The following MYO1D variants were observed in gnomAD, a reference collection of about 807,000 sequenced individuals.
MYO1D encodes unconventional myosin-Id.
Under a neutral mutation model 122.0 loss-of-function variants are expected in MYO1D, and 83 were observed. The observed-to-expected ratio is 0.68, with a 90% CI of 0.57 to 0.82. The LOEUF is 0.82. Among genes scored for constraint, MYO1D ranks in the 40% least tolerant of loss-of-function variants. The pLI, the probability that MYO1D is intolerant of heterozygous loss-of-function variation, is 0.00. For synonymous variants in MYO1D, 464 were observed against 446.9 expected (o/e 1.04, Z -0.48); for missense variants, 1,157 against 1,269.5 (o/e 0.91, Z 1.35).
intron 10 of MYO1D, among the ~76,000 whole-genome samples, chr17:32,757,562 A>C (rs900159447): frequency 1.4e-4 from 22 of 152,124 alleles, no homozygotes; most frequent in African/African-American, 5.3e-4. Context: ...AGTTATTTCC[A>C]TCTTTGGAAA....
intron 15 of MYO1D, among the ~76,000 whole-genome samples, chr17:32,720,397 C>T (rs890515751): frequency 6.6e-6 from 1 of 152,002 alleles, no homozygotes; most frequent in African/African-American, 2.4e-5. Context: ...TTATTATTAT[C>T]CCCATTTTAC....
chr17:32,827,867 C>A (rs2090736716), intron 1 of MYO1D, among the ~76,000 whole-genome samples: 1 of 152,110 alleles, frequency 6.6e-6, no homozygotes, highest in South Asian at 2.1e-4. Flanking sequence ...TTTCAGAAAT[C>A]TGATTTACAA....
intron 21 of MYO1D, among the ~76,000 whole-genome samples, chr17:32,545,846 T>G (rs2086961097): frequency 6.6e-6 from 1 of 152,028 alleles, no homozygotes; most frequent in Non-Finnish European, 1.5e-5. Context: ...ATGAAATGCT[T>G]TCTCCCTTTC....
intron 19 of MYO1D, among the ~76,000 whole-genome samples, chr17:32,648,557 C>A (rs1028021971): frequency 6.6e-6 from 1 of 152,186 alleles, no homozygotes; most frequent in African/African-American, 2.4e-5. Context: ...AGGGTTGGAA[C>A]TTTCAGCCCC....
chr17:32,733,895 G>A (rs2089667719), intron 14 of MYO1D, among the ~76,000 whole-genome samples: 1 of 152,108 alleles, frequency 6.6e-6, no homozygotes, highest in Non-Finnish European at 1.5e-5. Context: ...CATTCACCAT[G>A]TTGCCAGAAA....
intron 1 of MYO1D, among the ~76,000 whole-genome samples, chr17:32,787,715 C>G (rs528337278): frequency 6.6e-6 from 1 of 152,276 alleles, no homozygotes; most frequent in East Asian, 1.9e-4. Flanking sequence ...CGGTGCCAGG[C>G]CTGGTATGTG....
intron 1 of MYO1D, among the ~76,000 whole-genome samples, chr17:32,850,998 A>AAAC (rs571417841): frequency 7.6e-4 from 116 of 152,092 alleles, no homozygotes; most frequent in Admixed American, 1.4e-3. Context: ...GTACTATGAA[A>AAAC]AACAACAACA....
intron 21 of MYO1D, among the ~76,000 whole-genome samples, chr17:32,519,520 C>T (rs1433200922): frequency 1.3e-5 from 2 of 151,912 alleles, no homozygotes; most frequent in African/African-American, 2.4e-5. Context: ...ACGCGGTCGC[C>T]AAGGCAACGC....
chr17:32,648,187 C>G (rs1035291703), intron 19 of MYO1D, among the ~76,000 whole-genome samples: 12 of 152,104 alleles, frequency 7.9e-5, no homozygotes, highest in African/African-American at 2.9e-4. Context: ...GCACCCTAGC[C>G]TGGGTGACAG....
At chr17:32,745,311 A>G (rs765825086) in intron 12 of MYO1D, 26 bp from the exon 13 acceptor site, 1 of 1,431,374 alleles carries the variant, frequency 7.0e-7, no homozygotes, top group East Asian at 2.3e-5. Flanking sequence ...CACAGAAAAC[A>G]TGTATCATTT....
At chr17:32,525,921 T>C (rs1910325348) in intron 21 of MYO1D, among the ~76,000 whole-genome samples, 1 of 152,190 alleles carries the variant, frequency 6.6e-6, no homozygotes, top group African/African-American at 2.4e-5. Flanking sequence ...GCTATTTGTC[T>C]CCTAGTTCAC....
intron 1 of MYO1D, among the ~76,000 whole-genome samples, chr17:32,855,881 T>G (rs1261597375): frequency 6.6e-6 from 1 of 152,206 alleles, no homozygotes; most frequent in Admixed American, 6.5e-5. Context: ...AACTCATGGA[T>G]CCATGCTATG....
rs554121418 is a variant in MYO1D, at chr17:32,603,993, A to G, written c.2864+1094T>C. Among the ~76,000 whole-genome samples the G allele has an allele frequency of 1.1e-4, 16 of 152,368 alleles. No individual in the cohort carries two copies. In the South Asian group the frequency reaches 1.7e-3, roughly 16 times the overall value. On this transcript the variant is annotated intron_variant, in intron 21 of 21. Transcript: ENST00000318217. ...TACTTACAGCATGTAAAAGCATTTAATGATAGAAAATATTTAAAGATCTAC... is the reference window on the plus strand; with the variant it reads ...TACTTACAGCATGTAAAAGCATTTAGTGATAGAAAATATTTAAAGATCTAC...
At chr17:32,813,500 A>C (rs2090589443) in intron 1 of MYO1D, among the ~76,000 whole-genome samples, 1 of 152,144 alleles carries the variant, frequency 6.6e-6, no homozygotes, top group Non-Finnish European at 1.5e-5. Flanking sequence ...GTGGAGGAGG[A>C]GGAGTGGGAA....
At chr17:32,838,413 T>G (rs1405424724) in intron 1 of MYO1D, among the ~76,000 whole-genome samples, 1 of 152,178 alleles carries the variant, frequency 6.6e-6, no homozygotes, top group Non-Finnish European at 1.5e-5. Flanking sequence ...TTATAATTAT[T>G]TCATTTGACC....
At chr17:32,638,586 T>C (rs1185869779) in intron 20 of MYO1D, 136 bp downstream of exon 20, 1 of 554,724 alleles carries the variant, frequency 1.8e-6, no homozygotes, top group African/African-American at 1.9e-5. Context: ...CTACAAAACA[T>C]ATGACACATA....
rs191775762 is a variant in MYO1D at position 32,745,196 on chromosome 17, A to C, written c.1613+15T>G. ...GAGCTTAATCTAGAGTTAATTAATA[A>C]AATTTCAATCTTACCTGTTATACAT... On this transcript the variant is annotated intron_variant, in intron 13 of 21. Transcript: ENST00000318217. 2 of 1,376,612 alleles carry C rather than the reference A, an allele frequency of 1.5e-6. No homozygotes were observed. Among genetic ancestry groups the C allele is most frequent in the African/African-American group, 1.4e-5 (1 of 69,134 alleles). The allele number at this position is 1,376,612 out of a possible 1,614,324, so 85.3% of individuals were successfully genotyped here.
intron 21 of MYO1D, chr17:32,498,747 C>G (rs1158864548): frequency 1.3e-5 from 2 of 152,206 alleles, no homozygotes; most frequent in Non-Finnish European, 2.9e-5. Context: ...TCAAGAACCT[C>G]CAAAAGAGAT....
intron 1 of MYO1D, among the ~76,000 whole-genome samples, chr17:32,842,886 CTTTTTTTTTTTTT>C (rs34927176): frequency 9.6e-6 from 1 of 104,458 alleles, no homozygotes. Context: ...CTATTTCTTT[CTTTTTTTTTTTTT>C]TTTTTTTGAG....
Sources: allele counts gnomAD v4.1 joint callset (sites outside exome capture counted in the v4.1 genomes callset), GRCh38; gene constraint gnomAD v4.1.1; transcripts MANE v1.5; gene names NCBI Gene and HGNC (gene_info 2026-07-23, HGNC 2026-07-21).